OPA3: variants seen among roughly 807,000 people sequenced by gnomAD.
OPA3 encodes optic atrophy 3 protein.
In OPA3, 6 loss-of-function variants were observed where a neutral mutation model predicts 4.0. That is an observed-to-expected ratio of 1.51 (90% CI 0.83 to 2.99). The LOEUF is 2.99. Ranked by LOEUF, OPA3 falls within the 30% of genes most tolerant of loss-of-function variation. The pLI, the probability that OPA3 is intolerant of heterozygous loss-of-function variation, is 0.00. For synonymous variants in OPA3, 105 were observed against 117.1 expected, an observed-to-expected ratio of 0.90 and a Z score of 0.67; for missense variants, 235 against 256.2, an observed-to-expected ratio of 0.92 and a Z score of 0.56.
chr19:45,539,551 A>C (rs894327677), intron 1 of OPA3, among the ~76,000 whole-genome samples: 2 of 152,058 alleles, frequency 1.3e-5, no homozygotes, highest in African/African-American at 4.8e-5. Flanking sequence ...TCCTGACCTC[A>C]AGCTATCCAC....
intron 1 of OPA3, among the ~76,000 whole-genome samples, chr19:45,577,277 C>T (rs1969783376): frequency 6.6e-6 from 1 of 152,200 alleles, no homozygotes; most frequent in African/African-American, 2.4e-5. Flanking sequence ...CTGGGCGCAG[C>T]CTGCTGAGTC....
chr19:45,576,295 CCA>C (rs2122505477), intron 1 of OPA3, among the ~76,000 whole-genome samples: 1 of 152,170 alleles, frequency 6.6e-6, no homozygotes, highest in African/African-American at 2.4e-5. Context: ...CTTTGGGAGG[CCA>C]AGGCAGGTGG....
At chr19:45,576,547 C>CAA (rs72431387) in intron 1 of OPA3, among the ~76,000 whole-genome samples, 5 of 113,324 alleles carry the variant, frequency 4.4e-5, no homozygotes, top group Admixed American at 1.8e-4. Context: ...CCCCCCCCCC[C>CAA]AAAAAAAAAA....
At chr19:45,575,786 A>C (rs1969757668) in intron 1 of OPA3, among the ~76,000 whole-genome samples, 1 of 152,060 alleles carries the variant, frequency 6.6e-6, no homozygotes, top group African/African-American at 2.4e-5. Flanking sequence ...TTTTATTTTT[A>C]GTAGGGACAA....
At chr19:45,572,002 T>C (rs1969673030) in intron 1 of OPA3, among the ~76,000 whole-genome samples, 1 of 151,758 alleles carries the variant, frequency 6.6e-6, no homozygotes, top group Non-Finnish European at 1.5e-5. Flanking sequence ...CTTAGGTATT[T>C]TATATCCACA....
rs745868671 is a variant in OPA3, at chr19:45,548,715, G to A, written c.*4799C>T. The A allele has an allele frequency of 2.3e-4, 230 of 982,558 alleles. No individual in the cohort carries two copies. The highest frequency in any genetic ancestry group is 5.2e-4 in the Middle Eastern group (1 of 1,930). 60.9% of individuals were successfully genotyped at this position (982,558 alleles called of 1,614,324 possible). A position where few individuals can be genotyped will look rare whatever the true frequency, so the allele number is the denominator to read the frequency against. On this transcript the variant is annotated 3_prime_UTR_variant, in exon 2 of 2. Coordinates refer to ENST00000263275, the MANE Select transcript of OPA3 (RefSeq NM_025136.4). Reference sequence around the variant, plus strand: ...ACCAAGGACACTGGGTCCATGTCCCGGTGCGGGACCACCTCAGTGAGTTTT... The same window carrying A: ...ACCAAGGACACTGGGTCCATGTCCCAGTGCGGGACCACCTCAGTGAGTTTT...
chr19:45,565,955 AAATC>A (rs966531223), intron 1 of OPA3, among the ~76,000 whole-genome samples: 14 of 152,208 alleles, frequency 9.2e-5, no homozygotes, highest in South Asian at 6.2e-4. Context: ...GGTCTTAATC[AAATC>A]AATCAATCAA....
exon 2 of OPA3, chr19:45,528,835 C>T (rs555489004): frequency 1.6e-5 from 9 of 548,952 alleles, no homozygotes; most frequent in Non-Finnish European, 2.5e-5. Context: ...CTTCTTGGAA[C>T]GTTCCACCTG....
chr19:45,559,029 G>A (rs936321585), intron 1 of OPA3, among the ~76,000 whole-genome samples: 3 of 151,642 alleles, frequency 2.0e-5, no homozygotes, highest in African/African-American at 4.8e-5. Flanking sequence ...GATTACAGGC[G>A]CCCACCACCA....
chr19:45,559,000 G>A (rs1306187075), intron 1 of OPA3, among the ~76,000 whole-genome samples: 6 of 151,776 alleles, frequency 4.0e-5, no homozygotes, highest in Middle Eastern at 3.4e-3. Context: ...TCTCCTGCCT[G>A]AGCCTCCCAA....
Position 45,549,890 on chromosome 19 carries a change from G to A in OPA3, c.*3624C>T. 1.0e-6 allele frequency: 1 copy of A among 984,486 alleles called. No individual in the cohort carries two copies. The highest frequency in any genetic ancestry group is 1.2e-6 in the Non-Finnish European group (1 of 829,222). The allele number at this position is 984,486 out of a possible 1,614,324, so 61.0% of individuals were successfully genotyped here. On this transcript the variant is annotated 3_prime_UTR_variant, in exon 2 of 2. Coordinates refer to ENST00000263275, the MANE Select transcript of OPA3 (RefSeq NM_025136.4). ...ATGCTGTTTCAGGCCAGGCGCGGTG[G>A]CTCACGCCTGTAATCCCAGCACTTT...
chr19:45,546,406 T>C lies in OPA3; in HGVS notation c.*7108A>G. 1.7e-6 allele frequency: 1 copy of C among 592,182 alleles called. No individual in the cohort carries two copies. The highest frequency in any genetic ancestry group is 2.1e-6 in the Non-Finnish European group (1 of 471,868). 36.7% of individuals were successfully genotyped at this position (592,182 alleles called of 1,614,324 possible). On this transcript the variant is annotated 3_prime_UTR_variant, in exon 2 of 2. Transcript: ENST00000263275. The stretch of plus-strand genomic sequence containing the variant: ...ATATATTTTATATTCCATTATATAT[T>C]GTGTCACATAATATATGAATTATAC...
intron 1 of OPA3, among the ~76,000 whole-genome samples, chr19:45,535,762 C>CTTTTTTTT (rs370775683): frequency 6.5e-5 from 8 of 122,954 alleles, no homozygotes; most frequent in African/African-American, 2.2e-4. Flanking sequence ...TTTTTCTTTT[C>CTTTTTTTT]TTTTTTTTTT....
At chr19:45,575,479 A>C (rs1969752391) in intron 1 of OPA3, among the ~76,000 whole-genome samples, 1 of 152,190 alleles carries the variant, frequency 6.6e-6, no homozygotes, top group South Asian at 2.1e-4. Context: ...CTAAATTCAT[A>C]AGAATGGCCA....
At chr19:45,541,991 T>C (rs1969190750), downstream of OPA3, among the ~76,000 whole-genome samples, 1 of 152,166 alleles carries the variant, frequency 6.6e-6, no homozygotes, top group Non-Finnish European at 1.5e-5. Context: ...CCTCTGACCT[T>C]GGAGTCCCTG....
intron 1 of OPA3, among the ~76,000 whole-genome samples, chr19:45,577,173 A>C (rs894803305): frequency 1.3e-5 from 2 of 152,230 alleles, no homozygotes; most frequent in African/African-American, 4.8e-5. Flanking sequence ...TTGCCTCCCC[A>C]ACAGGGTGCA....
chr19:45,534,758 G>C (rs555274333), intron 1 of OPA3, among the ~76,000 whole-genome samples: 2 of 151,010 alleles, frequency 1.3e-5, no homozygotes, highest in African/African-American at 4.9e-5. Flanking sequence ...TCAGCCTCCC[G>C]AGTAGCTGGG....
intron 1 of OPA3, among the ~76,000 whole-genome samples, chr19:45,536,733 C>T (rs571143326): frequency 5.1e-4 from 78 of 152,258 alleles, no homozygotes; most frequent in African/African-American, 1.9e-3. Context: ...GAAATATTCA[C>T]ACATGCACAG....
intron 1 of OPA3, among the ~76,000 whole-genome samples, chr19:45,579,764 G>A (rs1442455881): frequency 2.0e-5 from 3 of 151,812 alleles, no homozygotes; most frequent in African/African-American, 7.3e-5. Context: ...AATAATAATA[G>A]TATCTACCTC....
Sources: allele counts gnomAD v4.1 joint callset (sites outside exome capture counted in the v4.1 genomes callset), GRCh38; gene constraint gnomAD v4.1.1; transcripts MANE v1.5; gene names NCBI Gene and HGNC (gene_info 2026-07-23, HGNC 2026-07-21).